Variants in DPP10 observed in about 807,000 individuals in gnomAD.
DPP10 encodes the protein dipeptidyl peptidase like 10.
In DPP10, 33 loss-of-function variants were observed where a neutral mutation model predicts 120.9. The ratio of observed to expected loss-of-function variants is 0.27; its 90% CI spans 0.21 to 0.37. DPP10 has a LOEUF of 0.37. DPP10 is among the 10% of genes least tolerant of loss of function. The pLI, the probability that DPP10 is intolerant of heterozygous loss-of-function variation, is 1.00. For synonymous variants in DPP10, 337 were observed against 326.1 expected (o/e 1.03, Z -0.36); for missense variants, 816 against 942.8 (o/e 0.87, Z 1.76).
intron 1 of DPP10, among the ~76,000 whole-genome samples, chr2:115,278,722 G>A (rs1278065753): frequency 6.6e-6 from 1 of 151,980 alleles, no homozygotes; most frequent in African/African-American, 2.4e-5. Context: ...TGAGAATTCA[G>A]TTGCCCCAAG....
At chr2:115,246,116 C>T (rs2058521522) in intron 1 of DPP10, among the ~76,000 whole-genome samples, 2 of 152,012 alleles carry the variant, frequency 1.3e-5, no homozygotes, top group Non-Finnish European at 2.9e-5. Flanking sequence ...ATATTTACTA[C>T]CTTCAAAGCC....
chr2:115,442,365 G>GTT (rs759862764), intron 3 of DPP10, among the ~76,000 whole-genome samples: 3 of 139,738 alleles, frequency 2.1e-5, no homozygotes, highest in African/African-American at 9.0e-5. Context: ...GTGTGTGTTT[G>GTT]TGTGTGTGTG....
At chr2:115,162,191 G>A in intron 1 of DPP10, 2 of 1,551,448 alleles carry the variant, frequency 1.3e-6, no homozygotes, top group South Asian at 2.4e-5. Context: ...GGACTCTGCG[G>A]GAAGTTAGAG....
chr2:115,140,384 G>C (rs1219496100), intron 1 of DPP10, among the ~76,000 whole-genome samples: 1 of 152,204 alleles, frequency 6.6e-6, no homozygotes, highest in East Asian at 1.9e-4. Flanking sequence ...TGGGCAGAAG[G>C]AGGATGATGG....
rs527436495 is a variant in DPP10 at position 114,759,435 on chromosome 2, A to G, written c.60+316597A>G. On this transcript the variant is annotated intron_variant, in intron 1 of 25. Coordinates refer to ENST00000410059, the MANE Select transcript of DPP10 (RefSeq NM_020868.6). Reference sequence around the variant, plus strand: ...ACTCAGTATATTTACTTTCTTCTACATTAAGGAGTCCAAGACGGGTGCTGT... The same window carrying G: ...ACTCAGTATATTTACTTTCTTCTACGTTAAGGAGTCCAAGACGGGTGCTGT... 3.3e-5 allele frequency among the ~76,000 whole-genome samples: 5 copies of G among 151,972 alleles called. No individual in the cohort carries two copies. In the East Asian group the frequency reaches 9.7e-4, roughly 29 times the overall value.
chr2:114,689,551 C>A (rs918925262), intron 1 of DPP10, among the ~76,000 whole-genome samples: 1 of 151,936 alleles, frequency 6.6e-6, no homozygotes, highest in Non-Finnish European at 1.5e-5. Context: ...CATATGTGTA[C>A]ATACATCTTC....
chr2:115,636,218 A>G (rs1371463151), intron 5 of DPP10, among the ~76,000 whole-genome samples: 3 of 152,156 alleles, frequency 2.0e-5, no homozygotes, highest in Non-Finnish European at 1.5e-5. Context: ...GGGCTTCTCA[A>G]AAAGTTAATA....
intron 1 of DPP10, among the ~76,000 whole-genome samples, chr2:114,688,668 A>T (rs745597483): frequency 8.8e-4 from 134 of 152,098 alleles, no homozygotes; most frequent in African/African-American, 3.0e-3. Context: ...TAATCTTGGC[A>T]TGTGAGGAAT....
At chr2:115,764,035 T>G (rs1680419498) in intron 12 of DPP10, among the ~76,000 whole-genome samples, 2 of 152,152 alleles carry the variant, frequency 1.3e-5, no homozygotes, top group Non-Finnish European at 2.9e-5. Context: ...AGAAGTCACT[T>G]CCTCTAACTA....
intron 5 of DPP10, among the ~76,000 whole-genome samples, chr2:115,628,728 T>G (rs553706079): frequency 1.1e-4 from 16 of 152,236 alleles, no homozygotes; most frequent in African/African-American, 3.1e-4. Flanking sequence ...TTCAATTTTC[T>G]ACATGTGGCT....
intron 3 of DPP10, among the ~76,000 whole-genome samples, chr2:115,422,097 T>A (rs1305709624): frequency 6.6e-6 from 1 of 152,110 alleles, no homozygotes; most frequent in Non-Finnish European, 1.5e-5. Context: ...GGAGATTCTT[T>A]AACAAACTCA....
chr2:114,558,614 T>C (rs1354136680), intron 1 of DPP10, among the ~76,000 whole-genome samples: 2 of 152,194 alleles, frequency 1.3e-5, no homozygotes, highest in Admixed American at 1.3e-4. Flanking sequence ...AAAGCAGAAA[T>C]TTTCATCCTT....
chr2:115,562,224 T>C (rs993615805), intron 5 of DPP10, among the ~76,000 whole-genome samples: 1 of 152,190 alleles, frequency 6.6e-6, no homozygotes, highest in Non-Finnish European at 1.5e-5. Context: ...ACATTTGTCA[T>C]TCTCTGCCAT....
chr2:115,520,142 C>T (rs923037745), intron 4 of DPP10, among the ~76,000 whole-genome samples: 1 of 152,018 alleles, frequency 6.6e-6, no homozygotes, highest in Admixed American at 6.6e-5. Flanking sequence ...CATAGTGAAA[C>T]CCCGTCTCTA....
At chr2:115,658,417 T>G (rs1384598262) in intron 5 of DPP10, among the ~76,000 whole-genome samples, 1 of 152,002 alleles carries the variant, frequency 6.6e-6, no homozygotes, top group Non-Finnish European at 1.5e-5. Flanking sequence ...GAATTCGATG[T>G]CTTAAAATCT....
At chr2:115,179,153 A>G (rs1369963004) in intron 1 of DPP10, among the ~76,000 whole-genome samples, 1 of 152,220 alleles carries the variant, frequency 6.6e-6, no homozygotes. Flanking sequence ...GAAAAGGGCT[A>G]TTATTGAAAT....
intron 7 of DPP10, among the ~76,000 whole-genome samples, chr2:115,718,169 C>A (rs1052992420): frequency 3.0e-5 from 4 of 131,168 alleles, no homozygotes; most frequent in Non-Finnish European, 1.6e-5. Context: ...AAATTACTTA[C>A]TACTAGCTTC....
At chr2:115,804,326 T>C (rs143922427) in intron 19 of DPP10, among the ~76,000 whole-genome samples, 3 of 152,230 alleles carry the variant, frequency 2.0e-5, no homozygotes, top group African/African-American at 7.2e-5. Flanking sequence ...CTAGTTATCC[T>C]TTCATCTAAT....
At chr2:114,494,101 CAA>C (rs58552540) in intron 1 of DPP10, among the ~76,000 whole-genome samples, 1,699 of 77,178 alleles carry the variant, frequency 0.022, 32 homozygotes, top group African/African-American at 0.077. Context: ...AGCAATAAGG[CAA>C]AAAAAAAAAA....
Sources: gnomAD v4.1 joint callset for allele counts (sites outside exome capture counted in the v4.1 genomes callset) on GRCh38, gnomAD v4.1.1 for gene constraint, MANE v1.5 for transcripts, NCBI Gene and HGNC (gene_info 2026-07-23, HGNC 2026-07-21) for gene names.